The following BMPR1A variants were observed in gnomAD, a reference collection of about 807,000 sequenced individuals.
The protein encoded by BMPR1A is bone morphogenetic protein receptor type 1A.
In BMPR1A, 7 loss-of-function variants were observed where a neutral mutation model predicts 66.0. The observed-to-expected ratio is 0.11, with a 90% confidence interval of 0.06 to 0.20. The LOEUF (loss-of-function observed/expected upper bound fraction) is 0.20, where lower values mean the gene tolerates loss of function less well. BMPR1A is among the 10% of genes least tolerant of loss of function. The probability of loss-of-function intolerance (pLI) is 1.00; values close to 1 mark genes in which losing one functional copy is unlikely to be tolerated. For missense variants in BMPR1A, 408 were observed against 669.1 expected, an observed-to-expected ratio of 0.61 and a Z score of 4.31; for synonymous variants, 200 against 229.7, an observed-to-expected ratio of 0.87 and a Z score of 1.17.
rs77798533 is a variant in BMPR1A at position 86,903,405 on chromosome 10, T to C, written c.530+3279T>C. ...TAATATCTCAGATGAAATAATATAC[T>C]AGATGAAATTAGTGACAGACTGTAG... is the stretch of plus-strand genomic sequence containing the variant. On this transcript the variant is annotated intron_variant, in intron 7 of 12. Transcript: ENST00000372037. 3.9e-4 allele frequency among the ~76,000 whole-genome samples: 60 copies of C among 151,924 alleles called. No homozygotes were observed. In the East Asian group the frequency reaches 5.0e-3, roughly 13 times the overall value.
At chr10:86,816,159 G>A (rs1227063667) in intron 1 of BMPR1A, among the ~76,000 whole-genome samples, 1 of 152,180 alleles carries the variant, frequency 6.6e-6, no homozygotes, top group Non-Finnish European at 1.5e-5. Context: ...TAGGCTACAT[G>A]TGGCCATGAG....
At chr10:86,798,173 AT>A (rs34265941) in intron 1 of BMPR1A, among the ~76,000 whole-genome samples, 2 of 151,172 alleles carry the variant, frequency 1.3e-5, no homozygotes, top group East Asian at 1.9e-4. Flanking sequence ...TTTTAGTCCT[AT>A]TTTTTTTTAC....
chr10:86,793,093 T>TTCC (rs1188686496), intron 1 of BMPR1A, among the ~76,000 whole-genome samples: 1 of 129,960 alleles, frequency 7.7e-6, no homozygotes. Flanking sequence ...TCCTGATCTA[T>TTCC]ACCCCCCCCC....
intron 1 of BMPR1A, among the ~76,000 whole-genome samples, chr10:86,763,276 G>C (rs901956162): frequency 6.6e-6 from 1 of 152,136 alleles, no homozygotes; most frequent in African/African-American, 2.4e-5. Flanking sequence ...AATTTGGGAA[G>C]TATAAAAAGC....
At chr10:86,928,801 T>G (rs1843782259), downstream of BMPR1A, 1 of 151,884 alleles carries the variant, frequency 6.6e-6, no homozygotes, top group East Asian at 1.9e-4. Context: ...ATTACAGGTG[T>G]GCACCACCAC....
chr10:86,793,991 C>T (rs1841668575), intron 1 of BMPR1A, among the ~76,000 whole-genome samples: 1 of 152,160 alleles, frequency 6.6e-6, no homozygotes, highest in Non-Finnish European at 1.5e-5. Flanking sequence ...ATCTCTTTCC[C>T]ACCGTACTTG....
intron 1 of BMPR1A, among the ~76,000 whole-genome samples, chr10:86,798,048 T>C (rs1303069495): frequency 1.3e-5 from 2 of 152,232 alleles, no homozygotes; most frequent in Non-Finnish European, 2.9e-5. Context: ...TATTTTGATA[T>C]ATTAATTGCT....
At chr10:86,866,551 G>T (rs906243563) in intron 2 of BMPR1A, among the ~76,000 whole-genome samples, 4 of 151,614 alleles carry the variant, frequency 2.6e-5, no homozygotes, top group African/African-American at 9.7e-5. Context: ...TGGGTTTGCA[G>T]GTGCCTGCCA....
intron 2 of BMPR1A, among the ~76,000 whole-genome samples, chr10:86,872,046 A>T (rs916085244): frequency 6.6e-6 from 1 of 152,122 alleles, no homozygotes; most frequent in African/African-American, 2.4e-5. Context: ...TTACAGCAGC[A>T]TTTCCCTTCA....
In BMPR1A at chr10:86,925,647, C is replaced by T; in HGVS notation, c.*1928C>T. On this transcript the variant is annotated 3_prime_UTR_variant, in exon 13 of 13. Transcript: ENST00000372037. The stretch of plus-strand genomic sequence containing the variant: ...TGCGTTGCCGTATGATATGATTGCA[C>T]TTAGAACACCCAATTTACTTAAATC... 1 of 190,428 alleles carries T rather than the reference C, an allele frequency of 5.3e-6. No individual in the cohort carries two copies. Among genetic ancestry groups the T allele is most frequent in the Non-Finnish European group, 1.1e-5 (1 of 91,584 alleles). The allele number at this position is 190,428 out of a possible 1,614,324, so 11.8% of individuals were successfully genotyped here. A position where few individuals can be genotyped will look rare whatever the true frequency, so the allele number is the denominator to read the frequency against.
chr10:86,813,013 T>C (rs973107655), intron 1 of BMPR1A, among the ~76,000 whole-genome samples: 3 of 152,218 alleles, frequency 2.0e-5, no homozygotes. Context: ...TTTTACTGTC[T>C]TCATAGTTTT....
At chr10:86,826,554 T>C (rs1287691442) in intron 1 of BMPR1A, among the ~76,000 whole-genome samples, 3 of 152,152 alleles carry the variant, frequency 2.0e-5, no homozygotes, top group Admixed American at 6.6e-5. Flanking sequence ...ATATTTTTCC[T>C]TTTCTTATAT....
rs561799901 is a variant in BMPR1A, at chr10:86,831,354, A to G, written c.-267-7511A>G. ...TCTTTTTATGTCTATATAAAAAGAT[A>G]TATCTCATTATTTTAAATGACTATG... is the stretch of plus-strand genomic sequence containing the variant. On this transcript the variant is annotated intron_variant, in intron 1 of 12. Coordinates refer to ENST00000372037, the MANE Select transcript of BMPR1A (RefSeq NM_004329.3). 8.5e-5 allele frequency among the ~76,000 whole-genome samples: 13 copies of G among 152,318 alleles called. No individual in the cohort carries two copies. The East Asian group carries it at 2.1e-3, about 25-fold the overall frequency.
chr10:86,900,850 G>T (rs76292428), intron 7 of BMPR1A, among the ~76,000 whole-genome samples: 5 of 152,200 alleles, frequency 3.3e-5, no homozygotes, highest in African/African-American at 1.2e-4. Context: ...AGGAGATGGG[G>T]TCGAGAGGAG....
At chr10:86,899,974 C>T (rs552061352) in intron 6 of BMPR1A, 53 bp from the exon 7 acceptor site, 17 of 1,609,692 alleles carry the variant, frequency 1.1e-5, no homozygotes, top group South Asian at 9.9e-5. Context: ...GAATTGAACA[C>T]GTCAGATTAT....
chr10:86,780,457 C>T lies in BMPR1A; in HGVS notation c.-268+23538C>T, dbSNP rs543404185. Among the ~76,000 whole-genome samples the T allele has an allele frequency of 8.0e-4, 122 of 151,596 alleles. 1 individual carries two copies. The highest frequency in any genetic ancestry group is 2.6e-3 in the African/African-American group (108 of 41,374). On this transcript the variant is annotated intron_variant, in intron 1 of 12. Coordinates refer to ENST00000372037, the MANE Select transcript of BMPR1A (RefSeq NM_004329.3). ...CATTTCAAATCTTTTTTTTTTGAGACGGAGTCTTGCTCTGTCGCTCAGGCT... is the reference window on the plus strand; with the variant it reads ...CATTTCAAATCTTTTTTTTTTGAGATGGAGTCTTGCTCTGTCGCTCAGGCT...
intron 5 of BMPR1A, among the ~76,000 whole-genome samples, chr10:86,896,608 ATTC>A (rs1438577634): frequency 1.3e-5 from 2 of 152,190 alleles, no homozygotes; most frequent in East Asian, 3.8e-4. Flanking sequence ...TTGTTCATTT[ATTC>A]TTTAAAATGA....
chr10:86,784,625 C>G lies in BMPR1A; in HGVS notation c.-268+27706C>G, dbSNP rs527585907. Among the ~76,000 whole-genome samples the G allele has an allele frequency of 3.3e-5, 5 of 152,228 alleles. No individual in the cohort carries two copies. In the South Asian group the frequency reaches 8.3e-4, roughly 25 times the overall value. ...TGGTAGAATTCCCCAGTGAAGCTAT[C>G]TGGTCCTGGGCTTTTTTTGTTGTTG... On this transcript the variant is annotated intron_variant, in intron 1 of 12. Coordinates refer to ENST00000372037, the MANE Select transcript of BMPR1A (RefSeq NM_004329.3).
At chr10:86,887,630 ACTTCTTGCT>A (rs1221740180) in intron 3 of BMPR1A, among the ~76,000 whole-genome samples, 6 of 152,104 alleles carry the variant, frequency 3.9e-5, no homozygotes, top group African/African-American at 1.4e-4. Flanking sequence ...TGAACCCTTC[ACTTCTTGCT>A]GTTATCTCAA....
Sources: gnomAD v4.1 joint callset for allele counts (sites outside exome capture counted in the v4.1 genomes callset) on GRCh38, gnomAD v4.1.1 for gene constraint, MANE v1.5 for transcripts, NCBI Gene and HGNC (gene_info 2026-07-23, HGNC 2026-07-21) for gene names.